Variants in EHD3 observed in about 807,000 individuals in gnomAD.
EHD3 encodes the protein EH domain containing 3, also known as EH domain-containing protein 3.
EHD3 carries 17 observed loss-of-function variants against 43.0 expected under a neutral mutation model. That is an observed-to-expected ratio of 0.40 (90% CI 0.27 to 0.59). The LOEUF (loss-of-function observed/expected upper bound fraction) is 0.59. Among genes scored for constraint, EHD3 ranks in the 20% least tolerant of loss-of-function variants. The probability of loss-of-function intolerance (pLI) is 0.49; values close to 1 mark genes in which losing one functional copy is unlikely to be tolerated. For missense variants in EHD3, 594 were observed against 705.6 expected (o/e 0.84, Z 1.79); for synonymous variants, 313 against 289.5 (o/e 1.08, Z -0.82).
intron 3 of EHD3, among the ~76,000 whole-genome samples, chr2:31,256,041 G>A (rs767564443): frequency 3.9e-5 from 6 of 152,150 alleles, no homozygotes; most frequent in African/African-American, 9.7e-5. Context: ...AAGGAAGCTC[G>A]GAGGTTGTCC....
At chr2:31,248,815 G>A (rs1683578335) in intron 2 of EHD3, among the ~76,000 whole-genome samples, 1 of 152,174 alleles carries the variant, frequency 6.6e-6, no homozygotes, top group South Asian at 2.1e-4. Context: ...TGGCCCACAA[G>A]GATCAAATCA....
chr2:31,258,454 C>G (rs1356625758), intron 3 of EHD3, among the ~76,000 whole-genome samples: 1 of 152,148 alleles, frequency 6.6e-6, no homozygotes, highest in East Asian at 1.9e-4. Flanking sequence ...CCTCATCCCC[C>G]ACCCCATCGA....
chr2:31,240,082 G>A (rs1488491974), intron 1 of EHD3, among the ~76,000 whole-genome samples: 1 of 152,130 alleles, frequency 6.6e-6, no homozygotes, highest in Non-Finnish European at 1.5e-5. Flanking sequence ...GCCAATTATA[G>A]CTGCTCCAGG....
intron 1 of EHD3, among the ~76,000 whole-genome samples, chr2:31,238,760 G>A (rs1683365872): frequency 6.6e-6 from 1 of 152,228 alleles, no homozygotes; most frequent in Admixed American, 6.5e-5. Context: ...TCTGCAGGTA[G>A]TGGAGGTGAG....
At chr2:31,253,576 G>T (rs935994208) in intron 3 of EHD3, among the ~76,000 whole-genome samples, 9 of 152,188 alleles carry the variant, frequency 5.9e-5, no homozygotes, top group Non-Finnish European at 1.3e-4. Context: ...GCCCCTACTG[G>T]CCATATTAGA....
chr2:31,265,236 G>A (rs1465683732), intron 5 of EHD3, among the ~76,000 whole-genome samples: 1 of 152,134 alleles, frequency 6.6e-6, no homozygotes, highest in African/African-American at 2.4e-5. Flanking sequence ...AAAAAGTACA[G>A]TATAGTAAAT....
rs1265877704 is a variant in EHD3, at chr2:31,260,411, C to T, written c.503-99C>T. 1.5e-5 allele frequency: 18 copies of T among 1,238,916 alleles called. No homozygotes were observed. The highest frequency in any genetic ancestry group is 1.9e-5 in the Non-Finnish European group (17 of 903,618). 76.7% of individuals were successfully genotyped at this position (1,238,916 alleles called of 1,614,324 possible). ...AGCCAGGATTTAAACTTAGATCTGA[C>T]TCCCAAGACTGTGTTATTTCTACCA... is the stretch of plus-strand genomic sequence containing the variant. On this transcript the variant is annotated intron_variant, in intron 3 of 5. Transcript: ENST00000322054. This position sits in a 1 kb window ranked among gnomAD's most constrained non-coding sequence, Gnocchi z 4.6.
intron 5 of EHD3, among the ~76,000 whole-genome samples, chr2:31,265,022 G>A (rs2148724890): frequency 6.6e-6 from 1 of 152,054 alleles, no homozygotes; most frequent in East Asian, 1.9e-4. Context: ...GCCTACACAG[G>A]GTCAGCATCA....
intron 3 of EHD3, among the ~76,000 whole-genome samples, chr2:31,250,928 G>A (rs1276082317): frequency 6.6e-6 from 1 of 152,228 alleles, no homozygotes; most frequent in East Asian, 1.9e-4. Context: ...CTGTGGCTCT[G>A]GCTGGGACAC....
intron 3 of EHD3, among the ~76,000 whole-genome samples, chr2:31,252,991 G>A (rs913576180): frequency 6.6e-6 from 1 of 152,140 alleles, no homozygotes; most frequent in Admixed American, 6.5e-5. Context: ...TGGGGGAAGG[G>A]CGTCAGACAC....
intron 1 of EHD3, among the ~76,000 whole-genome samples, chr2:31,240,065 C>T (rs1193005609): frequency 1.3e-5 from 2 of 152,138 alleles, no homozygotes; most frequent in Admixed American, 6.5e-5. Flanking sequence ...AGGGTGCTTT[C>T]GACAGGGCCA....
rs142057079 is a variant in EHD3 at position 31,252,080 on chromosome 2, G to A, written c.502+2612G>A. Among the ~76,000 whole-genome samples the A allele has an allele frequency of 5.7e-3, 870 of 152,286 alleles. 8 individuals carry two copies. Among genetic ancestry groups the A allele is most frequent in the South Asian group, 0.026 (127 of 4,822 alleles). ...GTCCAGAGAGGACTCCAGCCTCTGC[G>A]GTTTCCAAGGACACTGTACTAGGAA... On this transcript the variant is annotated intron_variant, in intron 3 of 5. Transcript: ENST00000322054.
intron 5 of EHD3, among the ~76,000 whole-genome samples, chr2:31,265,000 A>G (rs1039472539): frequency 5.3e-5 from 8 of 152,124 alleles, no homozygotes; most frequent in Non-Finnish European, 1.2e-4. Flanking sequence ...GCAAACACCC[A>G]TGCTAGTCTA....
chr2:31,256,467 T>C (rs1253437821), intron 3 of EHD3, among the ~76,000 whole-genome samples: 1 of 152,224 alleles, frequency 6.6e-6, no homozygotes, highest in African/African-American at 2.4e-5. Context: ...ATACTGATAG[T>C]GCACCTGCTG....
intron 1 of EHD3, among the ~76,000 whole-genome samples, chr2:31,235,575 G>T (rs1683308535): frequency 6.6e-6 from 1 of 152,184 alleles, no homozygotes; most frequent in Non-Finnish European, 1.5e-5. Context: ...GATAACCGAG[G>T]CGCAGAGAAG....
chr2:31,255,724 G>A (rs928280717), intron 3 of EHD3, among the ~76,000 whole-genome samples: 8 of 152,148 alleles, frequency 5.3e-5, no homozygotes, highest in African/African-American at 1.7e-4. Context: ...GATGGTCATG[G>A]TCTTCACAGC....
At chr2:31,255,149 G>T (rs1292773655) in intron 3 of EHD3, among the ~76,000 whole-genome samples, 1 of 152,244 alleles carries the variant, frequency 6.6e-6, no homozygotes, top group Admixed American at 6.5e-5. Flanking sequence ...GGAGCTGGCT[G>T]ACTAGACCTC....
intron 3 of EHD3, among the ~76,000 whole-genome samples, chr2:31,254,109 A>G (rs1055962951): frequency 6.6e-6 from 1 of 152,208 alleles, no homozygotes; most frequent in Non-Finnish European, 1.5e-5. Context: ...CAGTAAGGCC[A>G]GAGCAGGTTG....
At chr2:31,258,197 C>T (rs17011158) in intron 3 of EHD3, among the ~76,000 whole-genome samples, 14,824 of 152,084 alleles carry the variant, frequency 0.097, 732 homozygotes, top group Non-Finnish European at 0.11. Flanking sequence ...TACTGGCATC[C>T]GGGTAACCAA....
Sources: gnomAD v4.1 joint callset for allele counts (sites outside exome capture counted in the v4.1 genomes callset) on GRCh38, gnomAD v4.1.1 for gene constraint, Gnocchi (gnomAD v3.1) non-coding constraint, MANE v1.5 for transcripts, NCBI Gene and HGNC (gene_info 2026-07-23, HGNC 2026-07-21) for gene names.